TMCO4: variants seen among roughly 807,000 people sequenced by gnomAD.
The protein encoded by TMCO4 is transmembrane and coiled-coil domain-containing protein 4.
TMCO4 carries 58 observed loss-of-function variants against 64.7 expected under a neutral mutation model. The observed-to-expected ratio is 0.90, with a 90% CI of 0.73 to 1.12. The LOEUF (loss-of-function observed/expected upper bound fraction) is 1.12, where lower values mean the gene tolerates loss of function less well. Ranked by LOEUF, TMCO4 falls within the 50% of genes most tolerant of loss-of-function variation. The probability of loss-of-function intolerance (pLI) is 0.00; values close to 1 mark genes in which losing one functional copy is unlikely to be tolerated. For missense variants in TMCO4, 780 were observed against 825.9 expected, an observed-to-expected ratio of 0.94 and a Z score of 0.68; for synonymous variants, 325 against 346.1, an observed-to-expected ratio of 0.94 and a Z score of 0.68.
At chr1:19,755,287 G>A (rs1010755524) in intron 7 of TMCO4, among the ~76,000 whole-genome samples, 61 of 152,142 alleles carry the variant, frequency 4.0e-4, no homozygotes, top group African/African-American at 4.6e-4. Context: ...CAGCGTGCCC[G>A]GCTAATTTTT....
intron 14 of TMCO4, 103 bp from the exon 15 acceptor site, chr1:19,694,654 G>T: frequency 9.7e-7 from 1 of 1,026,338 alleles, no homozygotes; most frequent in Non-Finnish European, 1.5e-6. Flanking sequence ...TGGGAATGGA[G>T]CTTCTGGGGG....
At chr1:19,786,840 C>T (rs969344931) in intron 3 of TMCO4, among the ~76,000 whole-genome samples, 186 bp downstream of exon 3, 6 of 152,124 alleles carry the variant, frequency 3.9e-5, no homozygotes, top group East Asian at 1.9e-4. Flanking sequence ...GACCTCTTAA[C>T]GGGTTAAATG....
At chr1:19,796,392 C>CT (rs1330170250) in intron 2 of TMCO4, among the ~76,000 whole-genome samples, 1 of 152,040 alleles carries the variant, frequency 6.6e-6, no homozygotes, top group African/African-American at 2.4e-5. Context: ...GCCCCTCCAC[C>CT]TCTCCTTGGA....
In TMCO4 at chr1:19,746,453, T is replaced by C. The variant is rs2041785029; in HGVS notation, c.757+3A>G. ...TGAACCCATCATTCCTTTTGAACCT[T>C]ACCTGTCAGGCCAGCTCCAGCTGCA... On this transcript the variant is annotated splice_donor_region_variant and intron_variant, in intron 9 of 15. Transcript: ENST00000294543. 6.2e-7 allele frequency: 1 copy of C among 1,613,168 alleles called. No homozygotes were observed. Among genetic ancestry groups the C allele is most frequent in the South Asian group, 1.1e-5 (1 of 90,814 alleles).
intron 7 of TMCO4, chr1:19,750,264 A>C (rs1416517370): frequency 1.3e-5 from 2 of 152,218 alleles, no homozygotes; most frequent in African/African-American, 4.8e-5. Context: ...TCAAGGCCGA[A>C]GAAAACATTC....
At chr1:19,685,710 C>CTTTTTTG (rs2095142434) in intron 15 of TMCO4, among the ~76,000 whole-genome samples, 1 of 106,616 alleles carries the variant, frequency 9.4e-6, no homozygotes, top group Non-Finnish European at 1.9e-5. Context: ...AGGCCTGTTT[C>CTTTTTTG]TTTTTTTTTT....
intron 13 of TMCO4, among the ~76,000 whole-genome samples, chr1:19,706,507 G>C (rs1042562054): frequency 6.6e-6 from 1 of 152,184 alleles, no homozygotes; most frequent in Admixed American, 6.5e-5. Flanking sequence ...GACTTTTTAT[G>C]TAAAAGAGGG....
Position 19,773,073 on chromosome 1 carries a change from C to T in TMCO4, c.180-1591G>A, listed in dbSNP as rs28716780. On this transcript the variant is annotated intron_variant, in intron 4 of 15. Transcript: ENST00000294543. ...GGCGTGGTGGCATGTACCTGTAGTC[C>T]CATATATTCAGGAGGCTGAGGCACA... 7.1e-3 allele frequency among the ~76,000 whole-genome samples: 1,081 copies of T among 152,256 alleles called. 10 individuals are homozygous for T. Among genetic ancestry groups the T allele is most frequent in the African/African-American group, 0.025 (1,024 of 41,546 alleles).
At position 19,683,077 on chromosome 1, in the gene TMCO4, G is replaced by A. The variant is rs1292782602; in HGVS notation, c.1868C>T (p.Ala623Val). 6.9e-6 allele frequency: 11 copies of A among 1,603,282 alleles called. No individual in the cohort carries two copies. Among genetic ancestry groups the A allele is most frequent in the East Asian group, 2.2e-5 (1 of 44,818 alleles). Residue 623 changes from alanine (A) to valine (V), a missense_variant, in exon 16 of 16, where the codon GCC becomes GTC. Ala to Val is a moderately conservative substitution (Grantham distance 64, BLOSUM62 0). Coordinates refer to ENST00000294543, the MANE Select transcript of TMCO4 (RefSeq NM_181719.7). Reference sequence around the variant, plus strand: ...CGTGCTGGGGCCCTGGGTCTTGCAGGCACAATCGGGGCAGCCCAGTGGGTT... The same window carrying A: ...CGTGCTGGGGCCCTGGGTCTTGCAGACACAATCGGGGCAGCCCAGTGGGTT... ...DPNPLGCPDC[A>V]CKTQGPSTGL...
At chr1:19,693,160 A>AAC (rs2100564721) in intron 15 of TMCO4, among the ~76,000 whole-genome samples, 1 of 63,084 alleles carries the variant, frequency 1.6e-5, no homozygotes, top group Non-Finnish European at 3.0e-5. Flanking sequence ...GCGAGACCCC[A>AAC]TCTCAAAAAA....
chr1:19,794,480 A>G (rs2044205850), intron 2 of TMCO4, among the ~76,000 whole-genome samples: 1 of 152,318 alleles, frequency 6.6e-6, no homozygotes, highest in Non-Finnish European at 1.5e-5. Context: ...TGTGCCTGAG[A>G]AGGAAGTGGC....
chr1:19,781,406 G>A (rs1466658690), intron 3 of TMCO4, among the ~76,000 whole-genome samples: 1 of 151,462 alleles, frequency 6.6e-6, no homozygotes, highest in African/African-American at 2.4e-5. Flanking sequence ...GTTTAAGGCT[G>A]CAATGAGCTA....
intron 10 of TMCO4, 29 bp downstream of exon 10, chr1:19,745,503 C>T (rs774565015): frequency 6.8e-6 from 11 of 1,613,774 alleles, no homozygotes; most frequent in Non-Finnish European, 8.5e-6. Context: ...TGCCCACCCC[C>T]CTCCACTTCT....
intron 13 of TMCO4, among the ~76,000 whole-genome samples, chr1:19,710,319 C>T (rs1163181065): frequency 6.7e-6 from 1 of 149,412 alleles, no homozygotes; most frequent in African/African-American, 2.5e-5. Flanking sequence ...CACTATGTTG[C>T]CCAGGTGGGT....
intron 2 of TMCO4, among the ~76,000 whole-genome samples, chr1:19,792,312 G>C (rs551288725): frequency 1.3e-5 from 2 of 152,308 alleles, no homozygotes; most frequent in Non-Finnish European, 2.9e-5. Context: ...GCACAGCCCA[G>C]ACCTGGGATG....
chr1:19,773,925 C>T (rs1314139332), intron 4 of TMCO4, among the ~76,000 whole-genome samples: 1 of 152,092 alleles, frequency 6.6e-6, no homozygotes, highest in Non-Finnish European at 1.5e-5. Flanking sequence ...TCCTGGTTCC[C>T]CTGGAAATTG....
At position 19,755,733 on chromosome 1, in the gene TMCO4, C is replaced by A. The variant is rs1326482185; in HGVS notation, c.416G>T (p.Cys139Phe). The A allele has an allele frequency of 1.9e-6, 3 of 1,613,998 alleles. No homozygotes were observed. Among genetic ancestry groups the A allele is most frequent in the Non-Finnish European group, 2.5e-6 (3 of 1,180,032 alleles). Reference sequence around the variant, plus strand: ...CACTTGGAGCAGGGAGGTCATGTGGCAAACGAGGACTCTGGCCCGGGCGTC... The same window carrying A: ...CACTTGGAGCAGGGAGGTCATGTGGAAAACGAGGACTCTGGCCCGGGCGTC... ...HYDARARVLV[C>F]HMTSLLQVPL... Residue 139 changes from cysteine (C) to phenylalanine (F), a missense_variant, in exon 7 of 16, where the codon TGC becomes TTC. By Grantham distance (205) the Cys-to-Phe change is radical (BLOSUM62 -2). Coordinates refer to ENST00000294543, the MANE Select transcript of TMCO4 (RefSeq NM_181719.7).
At chr1:19,739,347 T>C (rs781725156) in intron 12 of TMCO4, among the ~76,000 whole-genome samples, 6 of 152,204 alleles carry the variant, frequency 3.9e-5, no homozygotes, top group Non-Finnish European at 5.9e-5. Flanking sequence ...ACAAAGTAGC[T>C]TTATACTTCT....
intron 7 of TMCO4, among the ~76,000 whole-genome samples, chr1:19,753,403 T>C (rs558163728): frequency 2.6e-5 from 4 of 152,226 alleles, no homozygotes; most frequent in African/African-American, 9.6e-5. Context: ...ATTATCCTCA[T>C]GTGAGAGATG....
Sources: gnomAD v4.1 joint callset for allele counts (sites outside exome capture counted in the v4.1 genomes callset) on GRCh38, gnomAD v4.1.1 for gene constraint, MANE v1.5 for transcripts, NCBI Gene and HGNC (gene_info 2026-07-23, HGNC 2026-07-21) for gene names.